The following ELOC variants were observed in gnomAD, a reference collection of about 807,000 sequenced individuals.
ELOC encodes the protein elongin-C.
For synonymous variants in ELOC, 40 were observed against 51.3 expected, an observed-to-expected ratio of 0.78 and a Z score of 0.94; for missense variants, 38 against 139.0, an observed-to-expected ratio of 0.27 and a Z score of 3.65.
chr8:73,964,700 C>T (rs1814849988), intron 1 of ELOC: 1 of 152,086 alleles, frequency 6.6e-6, no homozygotes, highest in Non-Finnish European at 1.5e-5. Context: ...ACTTGATGAA[C>T]TGCATTTCTC....
intron 2 of ELOC, among the ~76,000 whole-genome samples, chr8:73,956,456 A>C (rs1814196305): frequency 6.6e-6 from 1 of 152,220 alleles, no homozygotes; most frequent in South Asian, 2.1e-4. Flanking sequence ...CTCATACCAG[A>C]AACATTTCTG....
intron 1 of ELOC, among the ~76,000 whole-genome samples, chr8:73,970,861 A>C (rs1267406779): frequency 9.3e-5 from 13 of 139,590 alleles, no homozygotes; most frequent in Admixed American, 3.0e-4. Flanking sequence ...CTAAAAAACA[A>C]AACAAAACAA....
chr8:73,965,277 C>T (rs182318337), intron 1 of ELOC, among the ~76,000 whole-genome samples: 10 of 152,052 alleles, frequency 6.6e-5, no homozygotes, highest in Non-Finnish European at 1.0e-4. Flanking sequence ...AAAACTGCAA[C>T]GAAATACTAC....
chr8:73,949,817 C>A (rs966783973), intron 3 of ELOC, among the ~76,000 whole-genome samples: 12 of 152,150 alleles, frequency 7.9e-5, no homozygotes, highest in African/African-American at 2.9e-4. Flanking sequence ...AACTAAAGAT[C>A]AAATTTATAA....
At chr8:73,970,864 CAA>C (rs1170234343) in intron 1 of ELOC, among the ~76,000 whole-genome samples, 1 of 112,178 alleles carries the variant, frequency 8.9e-6, no homozygotes, top group Non-Finnish European at 1.9e-5. Context: ...AAAAACAAAA[CAA>C]AACAAAAAAA....
intron 3 of ELOC, 40 bp downstream of exon 3, chr8:73,955,871 A>G (rs958061926): frequency 9.6e-6 from 15 of 1,563,848 alleles, no homozygotes; most frequent in Non-Finnish European, 1.2e-5. Flanking sequence ...ATCAAACATT[A>G]AAAGTGAATA....
intron 1 of ELOC, among the ~76,000 whole-genome samples, chr8:73,970,797 G>A (rs1043302923): frequency 5.0e-4 from 76 of 150,732 alleles, no homozygotes; most frequent in African/African-American, 1.7e-3. Flanking sequence ...GAGGCGGGCG[G>A]ATCACCTGAG....
intron 1 of ELOC, among the ~76,000 whole-genome samples, chr8:73,968,274 C>G (rs1815123785): frequency 6.6e-6 from 1 of 152,162 alleles, no homozygotes; most frequent in Admixed American, 6.5e-5. Context: ...TATTTCATGA[C>G]TAAATCCATC....
intron 1 of ELOC, among the ~76,000 whole-genome samples, chr8:73,964,227 A>G (rs934325471): frequency 2.7e-5 from 4 of 146,756 alleles, no homozygotes; most frequent in African/African-American, 7.8e-5. Context: ...CAGTTGTTTC[A>G]TATCAACTTA....
intron 3 of ELOC, among the ~76,000 whole-genome samples, chr8:73,953,769 G>A (rs1016764323): frequency 6.6e-6 from 1 of 152,040 alleles, no homozygotes; most frequent in Non-Finnish European, 1.5e-5. Flanking sequence ...TTCAGCCACC[G>A]TGAAACAGTT....
At chr8:73,971,951 G>A (rs1401511616) in intron 1 of ELOC, 126 bp downstream of exon 1, 1 of 152,192 alleles carries the variant, frequency 6.6e-6, no homozygotes, top group Non-Finnish European at 1.5e-5. Flanking sequence ...GAGGTTAACA[G>A]CTTCCGTTCC....
At chr8:73,959,841 T>G in intron 1 of ELOC, 23 bp from the exon 2 acceptor site, 2 of 1,287,518 alleles carry the variant, frequency 1.6e-6, no homozygotes, top group African/African-American at 3.0e-5. Context: ...CAATATCATA[T>G]TAAGATTAAT....
rs1315367329 is a variant in ELOC at position 73,970,860 on chromosome 8, A to AC, written c.-51+1216_-51+1217insG. Among the ~76,000 whole-genome samples, 3 of 138,852 alleles carry AC rather than the reference A, an allele frequency of 2.2e-5. No homozygotes were observed. The East Asian group carries it at 6.2e-4, about 28-fold the overall frequency. The allele number at this position is 138,852 out of a possible 152,430, so 91.1% of individuals were successfully genotyped here. A position where few individuals can be genotyped will look rare whatever the true frequency, so the allele number is the denominator to read the frequency against. On this transcript the variant is annotated intron_variant, in intron 1 of 3. Coordinates refer to ENST00000520242, the MANE Select transcript of ELOC (RefSeq NM_005648.4). Reference sequence around the variant, plus strand: ...TGAAACCCCATCTCTACTAAAAAACAAAACAAAACAAAAAAAAAACAAAAT... The same window carrying AC: ...TGAAACCCCATCTCTACTAAAAAACACAAACAAAACAAAAAAAAAACAAAAT...
At chr8:73,952,385 T>A (rs1443682463) in intron 3 of ELOC, among the ~76,000 whole-genome samples, 3 of 143,918 alleles carry the variant, frequency 2.1e-5, no homozygotes, top group African/African-American at 5.2e-5. Context: ...CCAGCCTGGG[T>A]GACACAGCAA....
chr8:73,948,173 C>A (rs141024219), intron 3 of ELOC, among the ~76,000 whole-genome samples: 4 of 141,716 alleles, frequency 2.8e-5, no homozygotes, highest in African/African-American at 7.8e-5. Context: ...GCCTGGGCGA[C>A]AAGAACGAAA....
intron 3 of ELOC, among the ~76,000 whole-genome samples, chr8:73,953,133 C>A (rs1813886251): frequency 6.6e-6 from 1 of 152,002 alleles, no homozygotes; most frequent in African/African-American, 2.4e-5. Flanking sequence ...AGTGAGATCC[C>A]ATTTCTACCA....
chr8:73,952,005 ATTAAC>A (rs772297727), intron 3 of ELOC, among the ~76,000 whole-genome samples: 28 of 152,216 alleles, frequency 1.8e-4, no homozygotes, highest in Non-Finnish European at 3.5e-4. Context: ...ATAAACAAAA[ATTAAC>A]TTAAGACCAA....
At chr8:73,955,245 G>A (rs1231123984) in intron 3 of ELOC, among the ~76,000 whole-genome samples, 3 of 152,066 alleles carry the variant, frequency 2.0e-5, no homozygotes, top group African/African-American at 7.2e-5. Flanking sequence ...GAGGCAGGCG[G>A]ATCACCTGAG....
intron 3 of ELOC, among the ~76,000 whole-genome samples, chr8:73,952,624 C>CA (rs1563673737): frequency 6.6e-6 from 1 of 150,728 alleles, no homozygotes; most frequent in Non-Finnish European, 1.5e-5. Context: ...ACTAAAAATA[C>CA]AAAAAAATTA....
Sources: allele counts gnomAD v4.1 joint callset (sites outside exome capture counted in the v4.1 genomes callset), GRCh38; gene constraint gnomAD v4.1.1; transcripts MANE v1.5; gene names NCBI Gene and HGNC (gene_info 2026-07-23, HGNC 2026-07-21).